Variants in INO80 observed in about 807,000 individuals in gnomAD.
The protein encoded by INO80 is INO80 complex ATPase subunit, also known as chromatin-remodeling ATPase INO80.
A neutral mutation model predicts 203.4 loss-of-function variants in INO80; 20 were observed. That is an observed-to-expected ratio of 0.10 (90% CI 0.07 to 0.14). The LOEUF is 0.14. INO80 is among the 10% of genes least tolerant of loss of function. INO80 has a pLI of 1.00. For missense variants in INO80, 1,419 were observed against 1,914.4 expected (o/e 0.74, Z 4.83); for synonymous variants, 726 against 685.2 (o/e 1.06, Z -0.93).
intron 23 of INO80, among the ~76,000 whole-genome samples, 169 bp from the exon 24 acceptor site, chr15:41,045,244 C>T (rs1184491341): frequency 6.6e-6 from 1 of 152,160 alleles, no homozygotes. Flanking sequence ...TTTCGCATTA[C>T]ATGGTTTGCT....
intron 24 of INO80, among the ~76,000 whole-genome samples, chr15:41,038,330 A>G (rs2044614599): frequency 6.6e-6 from 1 of 151,938 alleles, no homozygotes; most frequent in Non-Finnish European, 1.5e-5. Context: ...TCGTTGTGAA[A>G]TCTGCAAGAC....
chr15:41,045,128 G>A, intron 23 of INO80, 53 bp from the exon 24 acceptor site: 2 of 1,433,540 alleles, frequency 1.4e-6, no homozygotes, highest in Non-Finnish European at 1.9e-6. Context: ...GAGGTTTGAG[G>A]GTCGTTCATA....
chr15:41,108,190 T>G (rs2045908455), intron 1 of INO80, among the ~76,000 whole-genome samples: 1 of 152,194 alleles, frequency 6.6e-6, no homozygotes, highest in East Asian at 1.9e-4. Flanking sequence ...AACAGAATAC[T>G]TTTATCAAGC....
At chr15:41,065,561 A>T (rs2045196522) in intron 14 of INO80, among the ~76,000 whole-genome samples, 1 of 152,232 alleles carries the variant, frequency 6.6e-6, no homozygotes, top group Admixed American at 6.5e-5. Flanking sequence ...AAAAGTGTTC[A>T]AACAAAAACT....
chr15:40,985,291 A>AC, intron 32 of INO80, 47 bp downstream of exon 32: 1 of 1,393,944 alleles, frequency 7.2e-7, no homozygotes, highest in African/African-American at 1.4e-5. Context: ...TTTGGTAAGT[A>AC]CCCCAGGCCC....
chr15:41,108,568 G>A (rs2045914994), intron 1 of INO80, among the ~76,000 whole-genome samples: 1 of 150,098 alleles, frequency 6.7e-6, no homozygotes, highest in African/African-American at 2.5e-5. Context: ...TTCCAGCCTG[G>A]GGGACACAGC....
intron 1 of INO80, among the ~76,000 whole-genome samples, chr15:41,098,780 T>C (rs1244486823): frequency 2.0e-5 from 3 of 152,280 alleles, no homozygotes; most frequent in Admixed American, 6.5e-5. Flanking sequence ...TGTCAGTGTG[T>C]ACACATAAAA....
At chr15:41,098,279 G>A (rs986402648) in intron 1 of INO80, among the ~76,000 whole-genome samples, 1 of 152,086 alleles carries the variant, frequency 6.6e-6, no homozygotes, top group African/African-American at 2.4e-5. Flanking sequence ...AAATCTTCAT[G>A]ACTGACCATA....
chr15:41,096,257 C>G lies in INO80; in HGVS notation c.54G>C (p.Lys18Asn). The change falls in exon 2 of 36, where the codon AAG becomes AAC. Residue 18 changes from lysine to asparagine, a missense_variant. Transcript: ENST00000648947. ...RDDGGCTELA[K>N]PLYLQYLERA... Reference sequence around the variant, plus strand: ...TCTCCAAGTACTGAAGATAGAGGGGCTTTGCCAGCTCAGTGCAGCCTCCAT... The same window carrying G: ...TCTCCAAGTACTGAAGATAGAGGGGGTTTGCCAGCTCAGTGCAGCCTCCAT... 1 of 1,612,356 alleles carries G rather than the reference C, an allele frequency of 6.2e-7. No individual in the cohort carries two copies. The highest frequency in any genetic ancestry group is 8.5e-7 in the Non-Finnish European group (1 of 1,179,642).
chr15:41,046,384 G>C (rs779523688), intron 23 of INO80, among the ~76,000 whole-genome samples: 38 of 148,774 alleles, frequency 2.6e-4, no homozygotes, highest in Non-Finnish European at 3.1e-4. Context: ...GTGGCACCAT[G>C]CCTGGCTAAT....
At chr15:41,110,291 C>T (rs1378247366) in intron 1 of INO80, among the ~76,000 whole-genome samples, 3 of 149,428 alleles carry the variant, frequency 2.0e-5, no homozygotes, top group Non-Finnish European at 1.5e-5. Context: ...ACTACAGGCA[C>T]GTGCCAGCAC....
intron 24 of INO80, among the ~76,000 whole-genome samples, chr15:41,033,482 C>T (rs1220477458): frequency 6.6e-6 from 1 of 151,774 alleles, no homozygotes; most frequent in African/African-American, 2.4e-5. Context: ...AGAGTGAGAC[C>T]CTGTCTCAAA....
rs755123620 is a variant in INO80, at chr15:41,050,122, T to C, written c.2275-20A>G. 14 of 1,569,660 alleles carry C rather than the reference T, an allele frequency of 8.9e-6. No individual in the cohort carries two copies. The highest frequency in any genetic ancestry group is 1.1e-5 in the South Asian group (1 of 88,872). The stretch of plus-strand genomic sequence containing the variant: ...CTCAATCTAAAAATCAATAAGAACA[T>C]TTATATTTGGAAAAGTAGTTTTTAA... On this transcript the variant is annotated intron_variant, in intron 19 of 35. Coordinates refer to ENST00000648947, the MANE Select transcript of INO80 (RefSeq NM_017553.3).
intron 29 of INO80, 146 bp from the exon 30 acceptor site, chr15:40,988,120 A>G: frequency 5.0e-6 from 3 of 596,352 alleles, no homozygotes; most frequent in Admixed American, 3.2e-5. Context: ...GATACATCTT[A>G]GAAGATACAA....
rs145951049 is a variant in INO80, at chr15:41,085,973, C to T, written c.659-390G>A. 5.9e-5 allele frequency among the ~76,000 whole-genome samples: 9 copies of T among 152,270 alleles called. No homozygotes were observed. In the East Asian group the frequency reaches 1.7e-3, roughly 29 times the overall value. On this transcript the variant is annotated intron_variant, in intron 6 of 35. Coordinates refer to ENST00000648947, the MANE Select transcript of INO80 (RefSeq NM_017553.3). ...CTCCCAGGTTCAAGCGATTCTCCCG[C>T]TTCAGCCTCCCGAGTAGCTGGGACT...
chr15:41,027,651 A>C lies in INO80; in HGVS notation c.2993T>G (p.Leu998Arg). 1 of 1,614,036 alleles carries C rather than the reference A, an allele frequency of 6.2e-7. No homozygotes were observed. Among genetic ancestry groups the C allele is most frequent in the Non-Finnish European group, 8.5e-7 (1 of 1,179,934 alleles). ...CAGCTCAGTGAGCAGGCAGCGACGCAGCGAGGAGGTAGCTGATCTCCGCTG... is the reference window on the plus strand; with the variant it reads ...CAGCTCAGTGAGCAGGCAGCGACGCCGCGAGGAGGTAGCTGATCTCCGCTG... ...VHQRRSATSS[L>R]RRCLLTELPS... The change falls in exon 25 of 36, where the codon CTG becomes CGG. Residue 998 changes from leucine to arginine, a missense_variant. Physicochemically the swap from Leu to Arg is moderately radical, Grantham distance 102 (BLOSUM62 -2). Around this residue, in one of 9 missense-constraint regions of INO80, gnomAD observed 302 missense variants for 345.4 expected, o/e 0.87. Transcript: ENST00000648947.
chr15:41,105,409 G>C (rs929145849), intron 1 of INO80, among the ~76,000 whole-genome samples: 14 of 152,078 alleles, frequency 9.2e-5, no homozygotes, highest in Non-Finnish European at 2.1e-4. Context: ...TGTTTCATAT[G>C]TGTTTGCATT....
At chr15:41,104,376 G>A (rs1293641297) in intron 1 of INO80, among the ~76,000 whole-genome samples, 4 of 151,876 alleles carry the variant, frequency 2.6e-5, no homozygotes, top group Admixed American at 1.3e-4. Context: ...TCCTGAATCC[G>A]AACTCTGATC....
chr15:41,102,701 T>G (rs989744814), intron 1 of INO80, among the ~76,000 whole-genome samples: 3 of 152,066 alleles, frequency 2.0e-5, no homozygotes, highest in Admixed American at 1.3e-4. Context: ...TATAAAATAT[T>G]TGTAATAAAA....
Sources: gnomAD v4.1 joint callset for allele counts (sites outside exome capture counted in the v4.1 genomes callset) on GRCh38, gnomAD v4.1.1 for gene constraint, gnomAD v4.1.1 regional missense constraint, MANE v1.5 for transcripts, NCBI Gene and HGNC (gene_info 2026-07-23, HGNC 2026-07-21) for gene names.